HIVEP3: variants seen among roughly 807,000 people sequenced by gnomAD.
The protein encoded by HIVEP3 is HIVEP zinc finger 3.
In HIVEP3, 49 loss-of-function variants were observed where a neutral mutation model predicts 152.8. The observed-to-expected ratio is 0.32, with a 90% CI of 0.26 to 0.41. The LOEUF (loss-of-function observed/expected upper bound fraction) is 0.41, where lower values mean the gene tolerates loss of function less well. HIVEP3 is among the 10% of genes least tolerant of loss of function. The pLI, the probability that HIVEP3 is intolerant of heterozygous loss-of-function variation, is 1.00. For synonymous variants in HIVEP3, 1,269 were observed against 1,289.0 expected, an observed-to-expected ratio of 0.98 and a Z score of 0.33; for missense variants, 2,790 against 3,103.3, an observed-to-expected ratio of 0.90 and a Z score of 2.40.
intron 1 of HIVEP3, among the ~76,000 whole-genome samples, chr1:41,831,975 T>C (rs1459543461): frequency 6.6e-6 from 1 of 152,172 alleles, no homozygotes. Flanking sequence ...AGGGTTGGAA[T>C]CTGGACAGTC....
chr1:41,594,206 A>G (rs1454761946), intron 3 of HIVEP3, among the ~76,000 whole-genome samples: 1 of 152,170 alleles, frequency 6.6e-6, no homozygotes, highest in African/African-American at 2.4e-5. Flanking sequence ...AAGATATCTT[A>G]CGTTTCAGTT....
At chr1:41,737,247 G>A (rs999003986) in intron 1 of HIVEP3, among the ~76,000 whole-genome samples, 12 of 152,182 alleles carry the variant, frequency 7.9e-5, no homozygotes, top group African/African-American at 2.9e-4. Context: ...AAACTGGGAT[G>A]AATAGTACTA....
At chr1:41,819,659 A>G (rs1013149731) in intron 1 of HIVEP3, among the ~76,000 whole-genome samples, 2 of 152,328 alleles carry the variant, frequency 1.3e-5, no homozygotes, top group African/African-American at 4.8e-5. Flanking sequence ...GGGATTAGTT[A>G]TCTTTTAATT....
At chr1:41,853,214 G>A (rs1369172446) in intron 1 of HIVEP3, among the ~76,000 whole-genome samples, 1 of 152,204 alleles carries the variant, frequency 6.6e-6, no homozygotes, top group Non-Finnish European at 1.5e-5. Context: ...ATGATGTAAT[G>A]AGGGCTAGAA....
intron 2 of HIVEP3, among the ~76,000 whole-genome samples, chr1:41,654,544 A>C (rs1354919789): frequency 2.0e-5 from 3 of 152,322 alleles, no homozygotes; most frequent in South Asian, 4.1e-4. Flanking sequence ...TATAGCTTCT[A>C]CTCAGTTTCC....
At position 41,510,860 on chromosome 1, in the gene HIVEP3, C is replaced by T. The variant is rs1644443460; in HGVS notation, c.6812G>A (p.Gly2271Asp). The T allele has an allele frequency of 8.7e-6, 14 of 1,613,380 alleles. No homozygotes were observed. Among genetic ancestry groups the T allele is most frequent in the Admixed American group, 1.7e-5 (1 of 60,024 alleles). The change falls in exon 9 of 9, where the codon GGC becomes GAC. Residue 2271 changes from glycine to aspartate, a missense_variant. By Grantham distance (94) the Gly-to-Asp change is moderately conservative (BLOSUM62 -1). Coordinates refer to ENST00000372583, the MANE Select transcript of HIVEP3 (RefSeq NM_024503.5). Reference protein sequence around the residue: ...SKFTLSSELEGGDYPKERERT... With the variant: ...SKFTLSSELEDGDYPKERERT... ...CTCCCTCTCCTTGGGGTAGTCCCCG[C>T]CCTCCAGCTCTGAGGAGAGTGTGAA...
rs2149109931 is a variant in HIVEP3, at chr1:41,584,714, C to T, written c.84G>A (p.Gln28=). Residue 28 remains glutamine, a synonymous_variant, in exon 4 of 9, where the codon CAG becomes CAA. Transcript: ENST00000372583. This position sits in a 1 kb window ranked among gnomAD's most constrained non-coding sequence, Gnocchi z 5.2. ...ATGGGACGCTGGAAGAAACACTGGT[C>T]TGAATGGCCTCTCCTTTGGTCAGCC... ...RKRLTKGEAI[Q]TSVSSSVPYP... is the part of the protein sequence containing the mutation. The T allele has an allele frequency of 1.9e-6, 3 of 1,546,892 alleles. No individual in the cohort carries two copies. Among genetic ancestry groups the T allele is most frequent in the Non-Finnish European group, 2.6e-6 (3 of 1,149,882 alleles).
chr1:41,867,931 C>T (rs976925131), intron 1 of HIVEP3, among the ~76,000 whole-genome samples: 6 of 141,766 alleles, frequency 4.2e-5, no homozygotes, highest in African/African-American at 1.3e-4. Flanking sequence ...TGCCCTCCCC[C>T]CTCCCCTTCC....
rs991510832 is a variant in HIVEP3, at chr1:41,508,968, G to T, written c.*1483C>A. On this transcript the variant is annotated 3_prime_UTR_variant, in exon 9 of 9. Transcript: ENST00000372583. ...AAAGCTCACCTCTCCCAGTTGGGGC[G>T]AACACGCTAGAGTTCAAGTTCCATA... 1 of 152,222 alleles carries T rather than the reference G, an allele frequency of 6.6e-6. No individual in the cohort carries two copies. The highest frequency in any genetic ancestry group is 6.5e-5 in the Admixed American group (1 of 15,280). The allele number at this position is 152,222 out of a possible 1,614,324, so 9.4% of individuals were successfully genotyped here.
At chr1:41,791,584 A>C (rs1570548239) in intron 1 of HIVEP3, among the ~76,000 whole-genome samples, 1 of 137,792 alleles carries the variant, frequency 7.3e-6, no homozygotes, top group East Asian at 2.0e-4. Flanking sequence ...CTATGGATGG[A>C]GAGGCCAAAG....
At chr1:41,977,915 C>T (rs146496805) in intron 1 of HIVEP3, among the ~76,000 whole-genome samples, 17 of 152,300 alleles carry the variant, frequency 1.1e-4, no homozygotes, top group South Asian at 2.1e-4. Flanking sequence ...GTGAGGTCTA[C>T]GAACATCATG....
chr1:41,813,714 G>C (rs1651100258), intron 1 of HIVEP3, among the ~76,000 whole-genome samples: 1 of 152,146 alleles, frequency 6.6e-6, no homozygotes, highest in Non-Finnish European at 1.5e-5. Flanking sequence ...ATACATGAGA[G>C]ACCATTAAAG....
intron 1 of HIVEP3, among the ~76,000 whole-genome samples, chr1:41,930,621 TA>T (rs1267348592): frequency 2.6e-5 from 4 of 152,140 alleles, no homozygotes; most frequent in African/African-American, 9.7e-5. Context: ...ATAACTTGAG[TA>T]AATACCAAGG....
Position 41,511,795 on chromosome 1 carries a change from C to T in HIVEP3, c.6406-529G>A, listed in dbSNP as rs1164993435. 6.6e-6 allele frequency among the ~76,000 whole-genome samples: 1 copy of T among 152,048 alleles called. No individual in the cohort carries two copies. The highest frequency in any genetic ancestry group is 2.4e-5 in the African/African-American group (1 of 41,372). ...GGGCTGGGTCATGGCAACACGGGGA[C>T]AGAGAAGGTGTCGGAAGGGGGTCAG... On this transcript the variant is annotated intron_variant, in intron 8 of 8. Coordinates refer to ENST00000372583, the MANE Select transcript of HIVEP3 (RefSeq NM_024503.5). The surrounding 1 kb of genome is among the most constrained non-coding windows in gnomAD (Gnocchi z 4.9).
At chr1:41,590,151 G>A (rs1644565975) in intron 3 of HIVEP3, among the ~76,000 whole-genome samples, 1 of 152,212 alleles carries the variant, frequency 6.6e-6, no homozygotes, top group Admixed American at 6.5e-5. Flanking sequence ...GGCAAAACAA[G>A]CCAGATATAA....
intron 1 of HIVEP3, among the ~76,000 whole-genome samples, chr1:41,737,243 G>T (rs1425410178): frequency 6.6e-6 from 1 of 152,136 alleles, no homozygotes; most frequent in East Asian, 1.9e-4. Flanking sequence ...CTGCAAACTG[G>T]GATGAATAGT....
At chr1:41,935,975 T>C (rs534722467) in intron 1 of HIVEP3, among the ~76,000 whole-genome samples, 4 of 152,126 alleles carry the variant, frequency 2.6e-5, no homozygotes, top group Middle Eastern at 3.4e-3. Context: ...TACTCAAGTA[T>C]ATTTCACCTA....
intron 1 of HIVEP3, among the ~76,000 whole-genome samples, chr1:42,021,656 G>A (rs1235263526): frequency 2.0e-5 from 3 of 152,178 alleles, no homozygotes; most frequent in African/African-American, 7.2e-5. Flanking sequence ...CCACAAGACT[G>A]AATTCATTCA....
At chr1:41,929,579 G>A (rs1644985219) in intron 1 of HIVEP3, among the ~76,000 whole-genome samples, 1 of 151,702 alleles carries the variant, frequency 6.6e-6, no homozygotes, top group Admixed American at 6.6e-5. Context: ...CACTGCTACT[G>A]GGATGTCAGT....
Sources: allele counts gnomAD v4.1 joint callset (sites outside exome capture counted in the v4.1 genomes callset), GRCh38; gene constraint gnomAD v4.1.1; non-coding constraint Gnocchi (gnomAD v3.1); transcripts MANE v1.5; gene names NCBI Gene and HGNC (gene_info 2026-07-23, HGNC 2026-07-21).